The following SOX5 variants were observed in gnomAD, a reference collection of about 807,000 sequenced individuals.
SOX5 encodes transcription factor SOX-5.
Under a neutral mutation model 92.0 loss-of-function variants are expected in SOX5, and 9 were observed. The observed-to-expected ratio is 0.10, with a 90% CI of 0.06 to 0.17. The LOEUF is 0.17. Ranked by LOEUF, SOX5 falls within the 10% of genes least tolerant of loss-of-function variation. SOX5 has a pLI of 1.00. For missense variants in SOX5, 642 were observed against 944.5 expected (o/e 0.68, Z 4.20); for synonymous variants, 344 against 336.3 (o/e 1.02, Z -0.25).
At chr12:24,394,392 G>A (rs1280294994) in intron 1 of SOX5, among the ~76,000 whole-genome samples, 1 of 152,162 alleles carries the variant, frequency 6.6e-6, no homozygotes, top group Non-Finnish European at 1.5e-5. Flanking sequence ...TGCTTCCCAA[G>A]ACTGATCTGC....
intron 1 of SOX5, among the ~76,000 whole-genome samples, chr12:24,515,913 T>G (rs1357460366): frequency 6.6e-6 from 1 of 152,218 alleles, no homozygotes; most frequent in Non-Finnish European, 1.5e-5. Context: ...TTAAATGTGC[T>G]CTTATTCTAT....
intron 3 of SOX5, among the ~76,000 whole-genome samples, chr12:24,268,015 T>C (rs1365965729): frequency 1.3e-5 from 2 of 152,212 alleles, no homozygotes; most frequent in Non-Finnish European, 2.9e-5. Context: ...CTGCCTCAAG[T>C]GGATCAGTAT....
At chr12:23,657,251 T>C (rs1246552524) in intron 7 of SOX5, among the ~76,000 whole-genome samples, 3 of 152,140 alleles carry the variant, frequency 2.0e-5, no homozygotes, top group Non-Finnish European at 4.4e-5. Context: ...AGTTACCATA[T>C]AAGCGATGCT....
chr12:23,806,516 T>C (rs116639107), intron 3 of SOX5, among the ~76,000 whole-genome samples: 3,579 of 146,514 alleles, frequency 0.024, 145 homozygotes, highest in African/African-American at 0.086. Context: ...TAGCATCAGA[T>C]CAATGTAAAA....
At chr12:24,176,087 T>C (rs1954776592) in intron 4 of SOX5, among the ~76,000 whole-genome samples, 1 of 152,074 alleles carries the variant, frequency 6.6e-6, no homozygotes, top group African/African-American at 2.4e-5. Flanking sequence ...TTCCAACACT[T>C]TGGGAGGCTG....
chr12:23,677,100 A>G (rs988777798), intron 6 of SOX5, among the ~76,000 whole-genome samples: 1 of 152,230 alleles, frequency 6.6e-6, no homozygotes, highest in Admixed American at 6.5e-5. Flanking sequence ...AATGGATCTT[A>G]GGCTTTATTC....
At chr12:24,298,856 T>C (rs1369974313) in intron 2 of SOX5, among the ~76,000 whole-genome samples, 2 of 149,726 alleles carry the variant, frequency 1.3e-5, no homozygotes, top group African/African-American at 4.9e-5. Context: ...ATTTTTTAAG[T>C]ACGTAAATAG....
chr12:23,924,535 G>A (rs1051174383), intron 1 of SOX5, among the ~76,000 whole-genome samples: 1 of 152,070 alleles, frequency 6.6e-6, no homozygotes, highest in Non-Finnish European at 1.5e-5. Flanking sequence ...GTAAGTGAAG[G>A]TGATGCAGGT....
chr12:24,129,328 C>A (rs1340158012), intron 4 of SOX5, among the ~76,000 whole-genome samples: 1 of 151,914 alleles, frequency 6.6e-6, no homozygotes, highest in Non-Finnish European at 1.5e-5. Flanking sequence ...ACTAATGTAC[C>A]CTTTACTAAT....
At chr12:24,317,708 T>A (rs1450227349) in intron 2 of SOX5, among the ~76,000 whole-genome samples, 1 of 152,172 alleles carries the variant, frequency 6.6e-6, no homozygotes, top group Non-Finnish European at 1.5e-5. Context: ...CTCCACCAAG[T>A]CATTCAGGCC....
intron 6 of SOX5, among the ~76,000 whole-genome samples, chr12:23,687,825 A>G (rs144519964): frequency 6.6e-6 from 1 of 151,954 alleles, no homozygotes; most frequent in African/African-American, 2.4e-5. Context: ...GCAACGAAGC[A>G]CTGGGGACTA....
intron 4 of SOX5, among the ~76,000 whole-genome samples, chr12:24,152,471 GCTTAT>G (rs1415647638): frequency 6.6e-6 from 1 of 152,060 alleles, no homozygotes; most frequent in African/African-American, 2.4e-5. Context: ...CTCCTGACCT[GCTTAT>G]CTTATCTGTG....
At chr12:24,059,302 A>C (rs1939207185) in intron 4 of SOX5, among the ~76,000 whole-genome samples, 1 of 152,184 alleles carries the variant, frequency 6.6e-6, no homozygotes, top group South Asian at 2.1e-4. Context: ...TTTATCTGAA[A>C]AGGAAATAGG....
At chr12:23,890,791 A>C (rs2097123001) in intron 2 of SOX5, among the ~76,000 whole-genome samples, 1 of 151,780 alleles carries the variant, frequency 6.6e-6, no homozygotes, top group Non-Finnish European at 1.5e-5. Flanking sequence ...ATTTTGAAGC[A>C]ACAGCCTCCA....
chr12:23,662,079 C>T (rs1191253577), intron 7 of SOX5, among the ~76,000 whole-genome samples: 1 of 151,782 alleles, frequency 6.6e-6, no homozygotes, highest in East Asian at 1.9e-4. Flanking sequence ...ACTGATTAAA[C>T]CAGTGTTTTC....
chr12:24,251,573 T>G (rs910988930), intron 3 of SOX5, among the ~76,000 whole-genome samples: 10 of 96,068 alleles, frequency 1.0e-4, no homozygotes, highest in African/African-American at 3.7e-4. Context: ...GGGTTTTTTG[T>G]TTTTTTTTTT....
At position 24,438,395 on chromosome 12, in the gene SOX5, C is replaced by T. The variant is rs146600652; in HGVS notation, c.-250-69756G>A. Among the ~76,000 whole-genome samples, 560 of 152,118 alleles carry T rather than the reference C, an allele frequency of 3.7e-3. 3 individuals are homozygous for T. Among genetic ancestry groups the T allele is most frequent in the African/African-American group, 0.013 (521 of 41,480 alleles). ...TGTATACCTATGTAACGAAACTGCA[C>T]ATTCTGTACATGTACCCCAGGACTT... On this transcript the variant is annotated intron_variant, in intron 1 of 4. Transcript: ENST00000446891.
intron 9 of SOX5, among the ~76,000 whole-genome samples, chr12:23,597,712 A>G (rs1226702912): frequency 6.6e-6 from 1 of 152,232 alleles, no homozygotes; most frequent in African/African-American, 2.4e-5. Context: ...CCTCTTGAGT[A>G]TATGACACAT....
chr12:23,532,533 T>C lies in SOX5; in HGVS notation c.*1686A>G, dbSNP rs1939313754. On this transcript the variant is annotated 3_prime_UTR_variant, in exon 15 of 15. Coordinates refer to ENST00000451604, the MANE Select transcript of SOX5 (RefSeq NM_006940.6). ...TGGCATTTGGCTGGCAAAATCTACA[T>C]AAGCAGTCCCATCACATTCAGTTGT... The C allele has an allele frequency of 6.6e-6, 1 of 152,262 alleles. No individual in the cohort carries two copies. The highest frequency in any genetic ancestry group is 1.5e-5 in the Non-Finnish European group (1 of 68,084). 9.4% of individuals were successfully genotyped at this position (152,262 alleles called of 1,614,324 possible).
Sources: gnomAD v4.1 joint callset for allele counts (sites outside exome capture counted in the v4.1 genomes callset) on GRCh38, gnomAD v4.1.1 for gene constraint, MANE v1.5 for transcripts, NCBI Gene and HGNC (gene_info 2026-07-23, HGNC 2026-07-21) for gene names.